The following PDE7B variants were observed in gnomAD, a reference collection of about 807,000 sequenced individuals.
PDE7B encodes the protein 3',5'-cyclic-AMP phosphodiesterase 7B.
A neutral mutation model predicts 56.2 loss-of-function variants in PDE7B; 29 were observed. The ratio of observed to expected loss-of-function variants is 0.52; its 90% CI spans 0.38 to 0.70. PDE7B has a LOEUF of 0.70. PDE7B is among the 30% of genes least tolerant of loss of function. The pLI, the probability that PDE7B is intolerant of heterozygous loss-of-function variation, is 0.00. For synonymous variants in PDE7B, 197 were observed against 196.9 expected (o/e 1.00, Z 0.00); for missense variants, 490 against 565.0 (o/e 0.87, Z 1.35).
intron 8 of PDE7B, chr6:136,165,462 A>G (rs1377268692): frequency 6.6e-6 from 1 of 152,210 alleles, no homozygotes; most frequent in Non-Finnish European, 1.5e-5. Context: ...TTAACTTTAA[A>G]TCAACTTGGT....
At chr6:135,983,096 C>T (rs1269468998) in intron 2 of PDE7B, among the ~76,000 whole-genome samples, 1 of 151,990 alleles carries the variant, frequency 6.6e-6, no homozygotes, top group African/African-American at 2.4e-5. Flanking sequence ...AATAAAAATG[C>T]CATATGGCTA....
At chr6:135,952,656 T>C (rs1445287570) in intron 2 of PDE7B, among the ~76,000 whole-genome samples, 1 of 152,134 alleles carries the variant, frequency 6.6e-6, no homozygotes, top group Non-Finnish European at 1.5e-5. Flanking sequence ...CTCATCTATC[T>C]AGATATGAAA....
chr6:135,861,159 A>G (rs1353626662), intron 1 of PDE7B, among the ~76,000 whole-genome samples: 2 of 151,930 alleles, frequency 1.3e-5, no homozygotes, highest in African/African-American at 4.8e-5. Flanking sequence ...AGTTTTTAAC[A>G]TTATGAATAA....
At chr6:136,181,202 T>C (rs1021718201) in intron 10 of PDE7B, 25 bp from the exon 11 acceptor site, 11 of 1,569,902 alleles carry the variant, frequency 7.0e-6, no homozygotes, top group Non-Finnish European at 7.0e-6. Flanking sequence ...CTCTCACAAT[T>C]TCTCCCCGCC....
intron 2 of PDE7B, among the ~76,000 whole-genome samples, chr6:136,089,257 G>C (rs1169630421): frequency 6.6e-6 from 1 of 152,178 alleles, no homozygotes; most frequent in African/African-American, 2.4e-5. Context: ...AGACTTTCAA[G>C]CTCTGTGAGG....
chr6:136,103,911 TTG>T (rs1777604428), intron 2 of PDE7B, among the ~76,000 whole-genome samples: 1 of 152,172 alleles, frequency 6.6e-6, no homozygotes, highest in Non-Finnish European at 1.5e-5. Flanking sequence ...CCACTGTAAG[TTG>T]TCATCGCTGT....
rs1196840524 is a variant in PDE7B at position 135,953,441 on chromosome 6, G to A, written c.82+5917G>A. Among the ~76,000 whole-genome samples, 5 of 152,138 alleles carry A rather than the reference G, an allele frequency of 3.3e-5. No homozygotes were observed. The East Asian group carries it at 5.8e-4, about 18-fold the overall frequency. On this transcript the variant is annotated intron_variant, in intron 2 of 12. Transcript: ENST00000308191. ...TGTGAGCAGAGGCATGTCATTTAGG[G>A]GTTGTAGACCTGTTTACTCTTCTCT... is the stretch of plus-strand genomic sequence containing the variant.
At chr6:135,891,566 C>T (rs1775810594) in intron 1 of PDE7B, among the ~76,000 whole-genome samples, 1 of 152,172 alleles carries the variant, frequency 6.6e-6, no homozygotes, top group South Asian at 2.1e-4. Flanking sequence ...ACCTTCTAAA[C>T]GCGGAGCTCC....
At chr6:135,913,919 T>C (rs913552268) in intron 1 of PDE7B, among the ~76,000 whole-genome samples, 2 of 152,226 alleles carry the variant, frequency 1.3e-5, no homozygotes, top group African/African-American at 2.4e-5. Context: ...AAAACAACTA[T>C]GCCACTTTTT....
chr6:136,159,105 A>G (rs1485469626), intron 8 of PDE7B, among the ~76,000 whole-genome samples: 1 of 152,330 alleles, frequency 6.6e-6, no homozygotes, highest in East Asian at 1.9e-4. Context: ...GTTTATAATC[A>G]GCTTTCTTAG....
At chr6:135,906,825 T>TTTTTTTTGTTTTTTTTTTTG (rs1562434129) in intron 1 of PDE7B, among the ~76,000 whole-genome samples, 1 of 145,782 alleles carries the variant, frequency 6.9e-6, no homozygotes, top group Non-Finnish European at 1.5e-5. Context: ...TTTTTTTTTT[T>TTTTTTTTGTTTTTTTTTTTG]TTTTTTTTTT....
chr6:135,920,152 G>A (rs1217291540), intron 1 of PDE7B, among the ~76,000 whole-genome samples: 2 of 151,990 alleles, frequency 1.3e-5, no homozygotes, highest in Non-Finnish European at 2.9e-5. Context: ...AATTTTATAA[G>A]AATATTTGTC....
At chr6:136,181,624 G>A (rs1583929493) in intron 11 of PDE7B, among the ~76,000 whole-genome samples, 1 of 152,166 alleles carries the variant, frequency 6.6e-6, no homozygotes. Context: ...AGAATGTGTG[G>A]GATAGTTTGA....
chr6:136,134,831 G>T (rs1295859068), intron 3 of PDE7B, among the ~76,000 whole-genome samples: 1 of 150,144 alleles, frequency 6.7e-6, no homozygotes, highest in Non-Finnish European at 1.5e-5. Context: ...TGCTCCTCTT[G>T]AACACCTACA....
intron 2 of PDE7B, among the ~76,000 whole-genome samples, chr6:136,061,716 A>G (rs760449591): frequency 6.6e-6 from 1 of 152,206 alleles, no homozygotes; most frequent in Non-Finnish European, 1.5e-5. Context: ...AATGCTGGGC[A>G]TAGTACCATG....
At chr6:136,018,525 C>T (rs969527048) in intron 2 of PDE7B, among the ~76,000 whole-genome samples, 1 of 152,168 alleles carries the variant, frequency 6.6e-6, no homozygotes, top group Non-Finnish European at 1.5e-5. Context: ...CAACACTTGG[C>T]ATGTGTCTGG....
intron 4 of PDE7B, among the ~76,000 whole-genome samples, chr6:136,147,800 CA>C (rs1213959215): frequency 6.6e-6 from 1 of 152,158 alleles, no homozygotes; most frequent in Non-Finnish European, 1.5e-5. Flanking sequence ...CTAAGTAAAG[CA>C]AAATTTTGGA....
chr6:136,026,350 A>G (rs1322294853), intron 2 of PDE7B, among the ~76,000 whole-genome samples: 1 of 152,188 alleles, frequency 6.6e-6, no homozygotes, highest in East Asian at 1.9e-4. Context: ...AGGTTGTGGC[A>G]AAGATCTAAA....
At chr6:136,084,316 G>A (rs1009598458) in intron 2 of PDE7B, among the ~76,000 whole-genome samples, 15 of 152,146 alleles carry the variant, frequency 9.9e-5, no homozygotes, top group African/African-American at 3.6e-4. Flanking sequence ...TGATACCTTG[G>A]AAAATTACTA....
Sources: gnomAD v4.1 joint callset for allele counts (sites outside exome capture counted in the v4.1 genomes callset) on GRCh38, gnomAD v4.1.1 for gene constraint, MANE v1.5 for transcripts, NCBI Gene and HGNC (gene_info 2026-07-23, HGNC 2026-07-21) for gene names.